Variants in HEMK2 observed in about 807,000 individuals in gnomAD.
HEMK2 encodes HemK methyltransferase 2, ETF1 glutamine and histone H4 lysine.
At chr21:28,850,040 T>C in the HEMK2 span, among the ~76,000 whole-genome samples, 80 of 152,008 alleles carry the variant, frequency 5.3e-4, no homozygotes, top group African/African-American at 1.7e-3. Flanking sequence ...TGCAAGACAA[T>C]GATCTCCAGG....
At chr21:28,682,709 A>G in the HEMK2 span, among the ~76,000 whole-genome samples, 1 of 152,154 alleles carries the variant, frequency 6.6e-6, no homozygotes, top group Non-Finnish European at 1.5e-5. Flanking sequence ...ACACCATGGA[A>G]TACTATGCAG....
the HEMK2 span, among the ~76,000 whole-genome samples, chr21:28,792,078 G>C: frequency 6.6e-6 from 1 of 152,110 alleles, no homozygotes; most frequent in African/African-American, 2.4e-5. Context: ...ACCAATGTCA[G>C]GACAGTTTAC....
At chr21:28,868,181 C>T in the HEMK2 span, among the ~76,000 whole-genome samples, 3,170 of 152,222 alleles carry the variant, frequency 0.021, 135 homozygotes, top group East Asian at 0.15. Context: ...AAGTATTTGG[C>T]ATCTGAGTAG....
the HEMK2 span, chr21:28,577,417 T>A: frequency 6.6e-6 from 1 of 152,184 alleles, no homozygotes; most frequent in Admixed American, 6.5e-5. Context: ...CCATGTTTCA[T>A]GAAAAAGACA....
the HEMK2 span, among the ~76,000 whole-genome samples, chr21:28,869,946 A>G: frequency 3.9e-5 from 6 of 152,202 alleles, no homozygotes; most frequent in African/African-American, 1.4e-4. Flanking sequence ...GAACACTGCC[A>G]GTCCCTTTAT....
the HEMK2 span, among the ~76,000 whole-genome samples, chr21:28,653,741 G>A: frequency 1.3e-5 from 2 of 152,138 alleles, no homozygotes; most frequent in Non-Finnish European, 2.9e-5. Context: ...GCACTGATTT[G>A]TGTTTAGTTC....
chr21:28,839,233 A>G, the HEMK2 span, among the ~76,000 whole-genome samples: 3 of 151,964 alleles, frequency 2.0e-5, no homozygotes, highest in East Asian at 5.8e-4. Flanking sequence ...AATGTAATAA[A>G]AGCCATCTAC....
chr21:28,706,293 T>C, the HEMK2 span, among the ~76,000 whole-genome samples: 8 of 152,226 alleles, frequency 5.3e-5, no homozygotes, highest in Non-Finnish European at 1.0e-4. Flanking sequence ...TACAAATTCA[T>C]TTCATCTGTT....
chr21:28,755,595 A>G, the HEMK2 span, among the ~76,000 whole-genome samples: 1 of 152,200 alleles, frequency 6.6e-6, no homozygotes, highest in Admixed American at 6.5e-5. Context: ...TTTACCTGTA[A>G]ACTGATACTT....
At chr21:28,877,557 AGAAAAG>A in the HEMK2 span, among the ~76,000 whole-genome samples, 2 of 143,030 alleles carry the variant, frequency 1.4e-5, no homozygotes, top group African/African-American at 4.9e-5. Context: ...ATAAAGAAAA[AGAAAAG>A]GAAAGGAAAG....
chr21:28,760,762 T>A, the HEMK2 span, among the ~76,000 whole-genome samples: 2 of 152,176 alleles, frequency 1.3e-5, no homozygotes, highest in Non-Finnish European at 2.9e-5. Context: ...GTGTTTTTGA[T>A]CAAAGTCCAA....
chr21:28,813,037 C>T, the HEMK2 span, among the ~76,000 whole-genome samples: 6 of 151,734 alleles, frequency 4.0e-5, no homozygotes, highest in African/African-American at 7.3e-5. Flanking sequence ...TTTGAAAACC[C>T]GCACAAGACA....
chr21:28,819,544 C>CT, the HEMK2 span, among the ~76,000 whole-genome samples: 25,083 of 111,850 alleles, frequency 0.22, 4,555 homozygotes, highest in African/African-American at 0.47. Flanking sequence ...TTTTCTTTTC[C>CT]TTTTTTTTTT....
the HEMK2 span, among the ~76,000 whole-genome samples, chr21:28,879,493 G>A: frequency 6.6e-6 from 1 of 152,138 alleles, no homozygotes; most frequent in African/African-American, 2.4e-5. Context: ...CTGCCGCCTC[G>A]GCCTCCCAAA....
chr21:28,781,087 TC>T, the HEMK2 span, among the ~76,000 whole-genome samples: 7 of 152,224 alleles, frequency 4.6e-5, no homozygotes, highest in African/African-American at 1.7e-4. Flanking sequence ...TTTATTATCT[TC>T]ATTTTTCAGG....
At chr21:28,732,698 G>A in the HEMK2 span, among the ~76,000 whole-genome samples, 2 of 152,168 alleles carry the variant, frequency 1.3e-5, no homozygotes, top group Non-Finnish European at 2.9e-5. Context: ...CCAAGGAGAC[G>A]ACAGAAAGGA....
chr21:28,698,215 T>C, the HEMK2 span, among the ~76,000 whole-genome samples: 7 of 152,302 alleles, frequency 4.6e-5, 1 homozygote, highest in African/African-American at 1.7e-4. Flanking sequence ...AGCTGGAGCA[T>C]GAGCTCTGGA....
chr21:28,749,917 G>T, the HEMK2 span, among the ~76,000 whole-genome samples: 1 of 152,200 alleles, frequency 6.6e-6, no homozygotes, highest in East Asian at 1.9e-4. Flanking sequence ...CAGCAAACTG[G>T]ATTGACATGC....
the HEMK2 span, among the ~76,000 whole-genome samples, chr21:28,716,344 C>T: frequency 1.3e-5 from 2 of 152,080 alleles, no homozygotes; most frequent in South Asian, 4.2e-4. Context: ...GAGATCTCTC[C>T]CCTCCTTGAC....
Sources: allele counts gnomAD v4.1 joint callset (sites outside exome capture counted in the v4.1 genomes callset), GRCh38; gene constraint gnomAD v4.1.1; transcripts MANE v1.5; gene names NCBI Gene and HGNC (gene_info 2026-07-23, HGNC 2026-07-21).